Variants in HMGB3 observed in about 807,000 individuals in gnomAD.
The protein encoded by HMGB3 is high mobility group protein B3.
In HMGB3, 1 loss-of-function variant was observed where a neutral mutation model predicts 12.9. That is an observed-to-expected ratio of 0.08 (90% CI 0.03 to 0.37). The LOEUF (loss-of-function observed/expected upper bound fraction) is 0.37. Ranked by LOEUF, HMGB3 falls within the 10% of genes least tolerant of loss-of-function variation. HMGB3 has a pLI of 0.99. For synonymous variants in HMGB3, 61 were observed against 53.9 expected (o/e 1.13, Z -0.57); for missense variants, 74 against 153.3 (o/e 0.48, Z 2.73).
At chrX:150,982,016 C>T (rs1352205435), upstream of HMGB3, among the ~76,000 whole-genome samples, 2 of 112,007 alleles carry the variant, frequency 1.8e-5, no homozygotes, top group Admixed American at 1.9e-4. Context: ...GATCTCTTGG[C>T]CTTTCAAAGA....
chrX:150,987,668 T>G lies in HMGB3; in HGVS notation c.466-109T>G, dbSNP rs1221909196. The G allele has an allele frequency of 6.7e-6, 4 of 595,244 alleles. No homozygotes were observed. In the African/African-American group the frequency reaches 9.0e-5, roughly 13 times the overall value. 49.1% of individuals were successfully genotyped at this position (595,244 alleles called of 1,213,427 possible). A position where few individuals can be genotyped will look rare whatever the true frequency, so the allele number is the denominator to read the frequency against. On this transcript the variant is annotated intron_variant, in intron 4 of 4. Transcript: ENST00000325307. ...TCAGATATATATGATAGCAGCACTG[T>G]CTTACTTGATTTCAATTCCTGTCCT...
chrX:150,987,741 C>T (rs782445418), intron 4 of HMGB3, 36 bp from the exon 5 acceptor site: 22 of 1,120,735 alleles, frequency 2.0e-5, no homozygotes, highest in Non-Finnish European at 2.4e-5. Flanking sequence ...TTAAAACAGC[C>T]GCATACTCAT....
intron 1 of HMGB3, chrX:150,983,675 C>T (rs1402842158): frequency 2.2e-5 from 13 of 603,743 alleles, no homozygotes; most frequent in Non-Finnish European, 2.4e-5. Context: ...CGTGGCGGCC[C>T]CAGGGGCCGC....
chrX:150,983,661 C>T (rs2048013617), intron 1 of HMGB3: 4 of 683,688 alleles, frequency 5.9e-6, no homozygotes, highest in Admixed American at 8.8e-5. Flanking sequence ...GGCGGACGCC[C>T]GCCCGTGGCG....
intron 4 of HMGB3, 90 bp from the exon 5 acceptor site, chrX:150,987,687 C>T (rs2048067005): frequency 4.4e-6 from 3 of 678,466 alleles, no homozygotes; most frequent in East Asian, 3.2e-5. Flanking sequence ...ATTTCAATTC[C>T]TGTCCTCTTA....
intron 1 of HMGB3, among the ~76,000 whole-genome samples, chrX:150,984,883 G>C (rs1283356234): frequency 8.9e-6 from 1 of 112,048 alleles, no homozygotes; most frequent in Non-Finnish European, 1.9e-5. Context: ...ATTTTTATTT[G>C]GAAACTTTGG....
In HMGB3 at chrX:150,990,647, A is replaced by G. The variant is rs1032445685; in HGVS notation, c.*2733A>G. 9.0e-6 allele frequency: 1 copy of G among 110,801 alleles called. No individual in the cohort carries two copies. The highest frequency in any genetic ancestry group is 9.7e-5 in the Admixed American group (1 of 10,361). 9.1% of individuals were successfully genotyped at this position (110,801 alleles called of 1,213,427 possible). A position where few individuals can be genotyped will look rare whatever the true frequency, so the allele number is the denominator to read the frequency against. ...GACATTTTATCCTTCGGAAAGAACA[A>G]GGCTGTGATGTAGTGACTATTGTCT... On this transcript the variant is annotated 3_prime_UTR_variant, in exon 5 of 5. Transcript: ENST00000325307.
intron 2 of HMGB3, 89 bp downstream of exon 2, chrX:150,985,838 C>T (rs1557425223): frequency 3.1e-5 from 27 of 874,959 alleles, no homozygotes; most frequent in Non-Finnish European, 4.0e-5. Context: ...CAGATAGCTG[C>T]TTGCTTCCTC....
rs1200673917 is a variant in HMGB3, at chrX:150,988,472, G to C, written c.*558G>C. 8 of 111,926 alleles carry C rather than the reference G, an allele frequency of 7.1e-5. No homozygotes were observed. The highest frequency in any genetic ancestry group is 2.6e-4 in the African/African-American group (8 of 30,654). 9.2% of individuals were successfully genotyped at this position (111,926 alleles called of 1,213,427 possible). On this transcript the variant is annotated 3_prime_UTR_variant, in exon 5 of 5. Transcript: ENST00000325307. ...GCAGGGGGCATCCATTTAGCTTCAG[G>C]TTGTCTTGTTTCTGTATATAGTGAC...
At chrX:150,985,988 CAAGAAACTGAA>C (rs2048048442) in intron 2 of HMGB3, 52 bp from the exon 3 acceptor site, 2 of 1,139,661 alleles carry the variant, frequency 1.8e-6, no homozygotes, top group Non-Finnish European at 2.4e-6. Flanking sequence ...AGTTTAATCA[CAAGAAACTGAA>C]TAGGTATGTG....
rs200228088 is a variant in HMGB3 at position 150,985,242 on chromosome X, CCT to C, written c.-5-346_-5-345del. Among the ~76,000 whole-genome samples the C allele has an allele frequency of 4.9e-4, 55 of 111,916 alleles. No individual in the cohort carries two copies. In the East Asian group the frequency reaches 0.014, roughly 28 times the overall value. On this transcript the variant is annotated intron_variant, in intron 1 of 4. Coordinates refer to ENST00000325307, the MANE Select transcript of HMGB3 (RefSeq NM_005342.4). ...CTTCTATCACCCCCACCAAATGTGT[CCT>C]CTCTCTACCCTTCCCACTTTGTGAT...
upstream of HMGB3, chrX:150,980,604 A>G: frequency 2.7e-6 from 2 of 749,213 alleles, no homozygotes; most frequent in Non-Finnish European, 3.2e-6. Context: ...AAAGGATGGA[A>G]ATACTTCCTG....
At chrX:150,983,717 G>A (rs1478186877) in intron 1 of HMGB3, 4 of 298,378 alleles carry the variant, frequency 1.3e-5, no homozygotes, top group Non-Finnish European at 1.8e-5. Context: ...GAGGCCAGAT[G>A]TTTGGGCAGC....
intron 1 of HMGB3, chrX:150,984,663 C>G (rs190762747): frequency 8.9e-6 from 5 of 561,315 alleles, no homozygotes; most frequent in Non-Finnish European, 1.1e-5. Context: ...GCACGGGGGC[C>G]GAGGCGGGCT....
chrX:150,985,268 A>C (rs1359978045), intron 1 of HMGB3, among the ~76,000 whole-genome samples: 1 of 112,034 alleles, frequency 8.9e-6, no homozygotes, highest in African/African-American at 3.2e-5. Context: ...CCACTTTGTG[A>C]TTGTAGTTTC....
chrX:150,987,947 T>TA lies in HMGB3; in HGVS notation c.*34dup, dbSNP rs1190172479. ...GTTTATCTGTCTCCTTGTGAATACTTAGAGTAGGGGAGCGCCGTAATTGAC... is the reference window on the plus strand; with the variant it reads ...GTTTATCTGTCTCCTTGTGAATACTTAAGAGTAGGGGAGCGCCGTAATTGAC... On this transcript the variant is annotated 3_prime_UTR_variant, in exon 5 of 5. Coordinates refer to ENST00000325307, the MANE Select transcript of HMGB3 (RefSeq NM_005342.4). The TA allele has an allele frequency of 8.8e-5, 104 of 1,175,181 alleles. No individual in the cohort carries two copies. Among genetic ancestry groups the TA allele is most frequent in the Non-Finnish European group, 1.1e-4 (101 of 882,998 alleles).
At chrX:150,982,317 C>T (rs2047997519), upstream of HMGB3, among the ~76,000 whole-genome samples, 1 of 111,929 alleles carries the variant, frequency 8.9e-6, no homozygotes, top group African/African-American at 3.3e-5. Flanking sequence ...CAGAACATCC[C>T]TTACAGAAGT....
rs2048044684 is a variant in HMGB3, at chrX:150,985,650, C to G, written c.51C>G (p.Ala17=). 8.3e-7 allele frequency: 1 copy of G among 1,202,521 alleles called. No homozygotes were observed. Among genetic ancestry groups the G allele is most frequent in the Admixed American group, 2.2e-5 (1 of 45,706 alleles). The part of the protein sequence containing the change: ...KKPKGKMSAY[A]FFVQTCREEH... ...CAAAGGGCAAGATGTCCGCTTATGC[C>G]TTCTTTGTGCAGACATGCAGAGAAG... Residue 17 remains alanine, a synonymous_variant, in exon 2 of 5, where the codon GCC becomes GCG. Coordinates refer to ENST00000325307, the MANE Select transcript of HMGB3 (RefSeq NM_005342.4).
upstream of HMGB3, among the ~76,000 whole-genome samples, chrX:150,981,823 C>T (rs1329437048): frequency 9.9e-5 from 11 of 111,416 alleles, no homozygotes; most frequent in Admixed American, 1.1e-3. Context: ...GCTTCAGGGG[C>T]TCAGGCTTGG....
Sources: allele counts gnomAD v4.1 joint callset (sites outside exome capture counted in the v4.1 genomes callset), GRCh38; gene constraint gnomAD v4.1.1; transcripts MANE v1.5; gene names NCBI Gene and HGNC (gene_info 2026-07-23, HGNC 2026-07-21).